Variants in WASL observed in about 807,000 individuals in gnomAD.
The protein encoded by WASL is actin nucleation-promoting factor WASL.
Under a neutral mutation model 55.5 loss-of-function variants are expected in WASL, and 20 were observed. The observed-to-expected ratio is 0.36, with a 90% CI of 0.25 to 0.52. The LOEUF (loss-of-function observed/expected upper bound fraction) is 0.52. Ranked by LOEUF, WASL falls within the 20% of genes least tolerant of loss-of-function variation. The pLI is 0.92. For synonymous variants in WASL, 249 were observed against 217.6 expected (o/e 1.14, Z -1.27); for missense variants, 504 against 622.5 (o/e 0.81, Z 2.03).
intron 1 of WASL, among the ~76,000 whole-genome samples, chr7:123,715,878 T>G (rs1040023718): frequency 6.6e-6 from 1 of 152,218 alleles, no homozygotes; most frequent in African/African-American, 2.4e-5. Context: ...TCTTACTGTA[T>G]TCTCAACTTT....
At chr7:123,714,223 G>C (rs1338074798) in intron 1 of WASL, among the ~76,000 whole-genome samples, 1 of 151,986 alleles carries the variant, frequency 6.6e-6, no homozygotes, top group Non-Finnish European at 1.5e-5. Context: ...TATCTGGCAG[G>C]GAACAACAAC....
Position 123,740,219 on chromosome 7 carries a change from TTA to T in WASL, c.117+8397_117+8398del, listed in dbSNP as rs201204724. Among the ~76,000 whole-genome samples, 350 of 152,064 alleles carry T rather than the reference TTA, an allele frequency of 2.3e-3. 2 individuals are homozygous for T. The highest frequency in any genetic ancestry group is 7.9e-3 in the African/African-American group (329 of 41,492). ...TCAGATATATCTCATATATTATCTT[TTA>T]TATATATATCTTTCATTTGATCACA... On this transcript the variant is annotated intron_variant, in intron 1 of 10. Transcript: ENST00000223023.
chr7:123,727,568 G>A (rs761817327), intron 1 of WASL, among the ~76,000 whole-genome samples: 31 of 152,284 alleles, frequency 2.0e-4, no homozygotes, highest in African/African-American at 7.5e-4. Context: ...CGTATATACT[G>A]AGTGAAGAGG....
At chr7:123,748,509 GGCCTGGCCCGC>G in intron 1 of WASL, 98 bp downstream of exon 1, 1 of 1,177,108 alleles carries the variant, frequency 8.5e-7, no homozygotes, top group South Asian at 1.3e-5. Flanking sequence ...GCTGGCGGGA[GGCCTGGCCCGC>G]GCCGCTCCCG....
chr7:123,731,293 T>C (rs560709575), intron 1 of WASL, among the ~76,000 whole-genome samples: 3 of 152,144 alleles, frequency 2.0e-5, no homozygotes, highest in Admixed American at 6.5e-5. Flanking sequence ...CAGCTAACAA[T>C]ACAGGTCAAA....
intron 9 of WASL, among the ~76,000 whole-genome samples, chr7:123,691,185 A>G (rs1434828684): frequency 6.6e-6 from 1 of 152,160 alleles, no homozygotes. Flanking sequence ...TTTAATTCCT[A>G]TACTGGGAAA....
At chr7:123,727,353 T>TCACACACACACACACACACACACACA (rs150375537) in intron 1 of WASL, among the ~76,000 whole-genome samples, 1 of 147,710 alleles carries the variant, frequency 6.8e-6, no homozygotes, top group Non-Finnish European at 1.5e-5. Context: ...AAAATATGTG[T>TCACACACACACACACACACACACACA]CACACACACA....
At chr7:123,722,570 C>T (rs1803966180) in intron 1 of WASL, among the ~76,000 whole-genome samples, 1 of 152,152 alleles carries the variant, frequency 6.6e-6, no homozygotes, top group East Asian at 1.9e-4. Context: ...GTAATCCTAG[C>T]ACATTGGGAG....
At chr7:123,731,636 A>G (rs778580686) in intron 1 of WASL, among the ~76,000 whole-genome samples, 60 of 152,348 alleles carry the variant, frequency 3.9e-4, no homozygotes, top group Admixed American at 1.7e-3. Context: ...ATGAAACTAT[A>G]AATCAGTAAC....
chr7:123,743,585 C>T (rs2116829468), intron 1 of WASL, among the ~76,000 whole-genome samples: 1 of 152,222 alleles, frequency 6.6e-6, no homozygotes, highest in Middle Eastern at 3.4e-3. Context: ...AAAACAAATA[C>T]AATATAGAGC....
chr7:123,742,290 C>A (rs1377355897), intron 1 of WASL, among the ~76,000 whole-genome samples: 2 of 152,214 alleles, frequency 1.3e-5, no homozygotes, highest in Admixed American at 6.5e-5. Context: ...GTTCTAGTGT[C>A]TCTTGGTATG....
chr7:123,725,843 G>C (rs1320626416), intron 1 of WASL, among the ~76,000 whole-genome samples: 1 of 152,150 alleles, frequency 6.6e-6, no homozygotes, highest in Non-Finnish European at 1.5e-5. Context: ...CTGGCTTCTG[G>C]AAGGGGGAGG....
At chr7:123,733,590 A>G (rs1304767285) in intron 1 of WASL, among the ~76,000 whole-genome samples, 1 of 152,224 alleles carries the variant, frequency 6.6e-6, no homozygotes, top group African/African-American at 2.4e-5. Context: ...AATCCCAGTC[A>G]AAATCCTAGT....
chr7:123,690,096 G>T (rs1803376718), intron 9 of WASL, among the ~76,000 whole-genome samples: 1 of 152,066 alleles, frequency 6.6e-6, no homozygotes, highest in Non-Finnish European at 1.5e-5. Flanking sequence ...AATGAAAAAA[G>T]ATAACAGAGA....
intron 1 of WASL, among the ~76,000 whole-genome samples, chr7:123,735,583 A>G (rs1489299453): frequency 6.6e-6 from 1 of 152,156 alleles, no homozygotes; most frequent in Non-Finnish European, 1.5e-5. Flanking sequence ...CAAAGACTGG[A>G]CATATATTTA....
At position 123,684,107 on chromosome 7, in the gene WASL, A is replaced by T. The variant is rs190813937; in HGVS notation, c.*412T>A. The T allele has an allele frequency of 8.4e-3, 1,277 of 152,302 alleles. 10 individuals carry two copies. The highest frequency in any genetic ancestry group is 0.012 in the Non-Finnish European group (840 of 68,040). The allele number at this position is 152,302 out of a possible 1,614,324, so 9.4% of individuals were successfully genotyped here. The stretch of plus-strand genomic sequence containing the variant: ...AAACTAAGGTCTGCATCACTTAAAA[A>T]AGAATGTAGTGCTATACTAGATTTT... On this transcript the variant is annotated 3_prime_UTR_variant, in exon 11 of 11. Coordinates refer to ENST00000223023, the MANE Select transcript of WASL (RefSeq NM_003941.4).
rs574395125 is a variant in WASL at position 123,699,888 on chromosome 7, T to A, written c.461-3141A>T. Among the ~76,000 whole-genome samples, 511 of 152,086 alleles carry A rather than the reference T, an allele frequency of 3.4e-3. 4 individuals are homozygous for A. The highest frequency in any genetic ancestry group is 3.6e-3 in the Non-Finnish European group (244 of 67,978). On this transcript the variant is annotated intron_variant, in intron 5 of 10. Coordinates refer to ENST00000223023, the MANE Select transcript of WASL (RefSeq NM_003941.4). ...ATTTCATTAGTACTAGTTAAAACAT[T>A]ATTTAAGGCCGGGCGCGGTGGCTCA...
chr7:123,701,083 A>C (rs1404077005), intron 5 of WASL, among the ~76,000 whole-genome samples: 2 of 152,214 alleles, frequency 1.3e-5, no homozygotes, highest in African/African-American at 4.8e-5. Flanking sequence ...TAACCTGTTT[A>C]AGGTATAGAG....
intron 1 of WASL, among the ~76,000 whole-genome samples, chr7:123,725,508 T>TA (rs35358821): frequency 0.035 from 5,239 of 151,096 alleles, 119 homozygotes; most frequent in Non-Finnish European, 0.048. Context: ...AGGTTATATT[T>TA]AAAAAAAAAC....
Sources: allele counts gnomAD v4.1 joint callset (sites outside exome capture counted in the v4.1 genomes callset), GRCh38; gene constraint gnomAD v4.1.1; transcripts MANE v1.5; gene names NCBI Gene and HGNC (gene_info 2026-07-23, HGNC 2026-07-21).